NEK7: variants seen among roughly 807,000 people sequenced by gnomAD.
NEK7 encodes serine/threonine-protein kinase Nek7.
Under a neutral mutation model 44.6 loss-of-function variants are expected in NEK7, and 18 were observed. That is an observed-to-expected ratio of 0.40 (90% CI 0.28 to 0.60). The LOEUF (loss-of-function observed/expected upper bound fraction) is 0.60, where lower values mean the gene tolerates loss of function less well. Among genes scored for constraint, NEK7 ranks in the 20% least tolerant of loss-of-function variants. NEK7 has a pLI of 0.38. For synonymous variants in NEK7, 130 were observed against 121.1 expected (o/e 1.07, Z -0.48); for missense variants, 256 against 366.5 (o/e 0.70, Z 2.46).
At chr1:198,302,352 C>A (rs1336812287) in intron 9 of NEK7, among the ~76,000 whole-genome samples, 5 of 150,160 alleles carry the variant, frequency 3.3e-5, no homozygotes, top group Admixed American at 3.3e-4. Flanking sequence ...CTGTCCCTCT[C>A]CTTTTTTTTT....
chr1:198,253,314 T>C (rs1653139060), intron 3 of NEK7, 134 bp downstream of exon 3: 3 of 582,968 alleles, frequency 5.1e-6, no homozygotes, highest in Non-Finnish European at 8.6e-6. Context: ...ACGTTGTATT[T>C]TAAAAGCCAG....
rs60898731 is a variant in NEK7 at position 198,289,313 on chromosome 1, C to T, written c.590-3632C>T. 2.1e-3 allele frequency among the ~76,000 whole-genome samples: 322 copies of T among 152,090 alleles called. 1 individual carries two copies. The highest frequency in any genetic ancestry group is 7.5e-3 in the African/African-American group (311 of 41,490). On this transcript the variant is annotated intron_variant, in intron 7 of 9. Coordinates refer to ENST00000367385, the MANE Select transcript of NEK7 (RefSeq NM_133494.3). The stretch of plus-strand genomic sequence containing the variant: ...ACTCAGTTCGTTTGTTTGTACTCTC[C>T]GACTTAAAACACTCTCACTCAGCTG...
At chr1:198,284,400 C>G (rs1462417000) in intron 7 of NEK7, among the ~76,000 whole-genome samples, 4 of 152,140 alleles carry the variant, frequency 2.6e-5, no homozygotes, top group Non-Finnish European at 4.4e-5. Context: ...ATAGTTTGCT[C>G]TCTCTCCTAG....
intron 2 of NEK7, among the ~76,000 whole-genome samples, chr1:198,252,545 TATATATATATATATATATATATAAAA>T (rs1653069485): frequency 1.7e-5 from 1 of 58,194 alleles, no homozygotes; most frequent in Non-Finnish European, 2.7e-5. Context: ...TATATATATA[TATATATATATATATATATATATAAAA>T]AGTACATATA....
Position 198,262,601 on chromosome 1 carries a change from A to G in NEK7, c.225A>G (p.Ala75=). The G allele has an allele frequency of 1.3e-6, 2 of 1,598,344 alleles. No homozygotes were observed. Among genetic ancestry groups the G allele is most frequent in the Non-Finnish European group, 1.7e-6 (2 of 1,170,010 alleles). ...TATTTGATTTAATGGATGCCAAAGC[A>G]CGTGCTGATTGCATCAAAGAAATAG... ...VQIFDLMDAK[A]RADCIKEIDL... is the part of the protein sequence containing the mutation. Residue 75 remains alanine (A), a synonymous_variant, in exon 4 of 10, where the codon GCA becomes GCG. Coordinates refer to ENST00000367385, the MANE Select transcript of NEK7 (RefSeq NM_133494.3).
Position 198,317,877 on chromosome 1 carries a change from A to ATTTTTTTT in NEK7, c.799-1519_799-1512dup, listed in dbSNP as rs34704209. ...GCATTGTGTATTACTGGATATATTT[A>ATTTTTTTT]TTTTTTTTTTTTTTTTTTTTTTTGG... On this transcript the variant is annotated intron_variant, in intron 9 of 9. Coordinates refer to ENST00000367385, the MANE Select transcript of NEK7 (RefSeq NM_133494.3). Among the ~76,000 whole-genome samples, 115 of 70,106 alleles carry ATTTTTTTT rather than the reference A, an allele frequency of 1.6e-3. 2 individuals carry two copies. The highest frequency in any genetic ancestry group is 1.9e-3 in the Non-Finnish European group (78 of 40,744). The allele number at this position is 70,106 out of a possible 152,430, so 46.0% of individuals were successfully genotyped here.
chr1:198,225,746 G>C, intron 1 of NEK7, among the ~76,000 whole-genome samples: 1 of 152,068 alleles, frequency 6.6e-6, no homozygotes, highest in Admixed American at 6.6e-5. Context: ...GTTTTGATGT[G>C]TTCTTTCCTC....
chr1:198,157,379 G>T (rs1367467137), intron 1 of NEK7, 103 bp downstream of exon 1: 1 of 152,318 alleles, frequency 6.6e-6, no homozygotes, highest in Non-Finnish European at 1.5e-5. Flanking sequence ...GACCGCGCGG[G>T]GCGGCCTCCG....
chr1:198,254,526 G>A (rs552653496), intron 3 of NEK7, among the ~76,000 whole-genome samples: 5 of 152,230 alleles, frequency 3.3e-5, no homozygotes, highest in Middle Eastern at 6.8e-3. Context: ...TGGTGCATGT[G>A]CTGTAGTTTA....
chr1:198,162,276 G>A (rs1664134458), intron 1 of NEK7, among the ~76,000 whole-genome samples: 1 of 152,136 alleles, frequency 6.6e-6, no homozygotes, highest in Non-Finnish European at 1.5e-5. Context: ...TAGCCCTCGG[G>A]GAAGCCCAGG....
At chr1:198,224,434 A>G (rs1449273503) in intron 1 of NEK7, among the ~76,000 whole-genome samples, 1 of 152,102 alleles carries the variant, frequency 6.6e-6, no homozygotes, top group Admixed American at 6.6e-5. Flanking sequence ...GTGGAAGTAC[A>G]CTCCATGATG....
At chr1:198,222,830 G>A (rs1666108149) in intron 1 of NEK7, among the ~76,000 whole-genome samples, 1 of 146,340 alleles carries the variant, frequency 6.8e-6, no homozygotes, top group South Asian at 2.3e-4. Flanking sequence ...ATTACAAATT[G>A]TTATAATTGC....
chr1:198,255,567 T>C (rs1426970195), intron 3 of NEK7, among the ~76,000 whole-genome samples: 1 of 152,170 alleles, frequency 6.6e-6, no homozygotes, highest in South Asian at 2.1e-4. Context: ...TTTCTATTGA[T>C]TGGGAATTTG....
intron 7 of NEK7, among the ~76,000 whole-genome samples, chr1:198,285,355 T>C (rs965185255): frequency 1.3e-5 from 2 of 152,108 alleles, no homozygotes; most frequent in Admixed American, 6.6e-5. Flanking sequence ...TCAGTAAGTA[T>C]AGGTTAGATT....
rs931381641 is a variant in NEK7 at position 198,322,118 on chromosome 1, C to G, written c.*2596C>G. On this transcript the variant is annotated 3_prime_UTR_variant, in exon 10 of 10. Coordinates refer to ENST00000367385, the MANE Select transcript of NEK7 (RefSeq NM_133494.3). Reference sequence around the variant, plus strand: ...ATAGTATCTATTACAAAACACCTTTCTTGTATCCATATACTTCAGGTGTTG... The same window carrying G: ...ATAGTATCTATTACAAAACACCTTTGTTGTATCCATATACTTCAGGTGTTG... 6 of 152,118 alleles carry G rather than the reference C, an allele frequency of 3.9e-5. No homozygotes were observed. The highest frequency in any genetic ancestry group is 1.2e-4 in the African/African-American group (5 of 41,450). The allele number at this position is 152,118 out of a possible 1,614,324, so 9.4% of individuals were successfully genotyped here.
At chr1:198,209,072 C>T (rs10128036) in intron 1 of NEK7, among the ~76,000 whole-genome samples, 72 of 96,154 alleles carry the variant, frequency 7.5e-4, no homozygotes, top group African/African-American at 2.8e-3. Context: ...CACACACATA[C>T]GCACATATGT....
chr1:198,272,977 TTC>T (rs1334848356), intron 5 of NEK7, among the ~76,000 whole-genome samples: 2 of 151,932 alleles, frequency 1.3e-5, no homozygotes, highest in Non-Finnish European at 3.0e-5. Context: ...GAAAAATATT[TTC>T]TGTTTCACAT....
chr1:198,215,722 C>T (rs976767773), intron 1 of NEK7, among the ~76,000 whole-genome samples: 2 of 151,984 alleles, frequency 1.3e-5, no homozygotes, highest in African/African-American at 4.8e-5. Flanking sequence ...AAAGATATTT[C>T]ATGCAAATGG....
chr1:198,205,167 A>T (rs1379594597), intron 1 of NEK7, among the ~76,000 whole-genome samples: 2 of 152,176 alleles, frequency 1.3e-5, no homozygotes, highest in East Asian at 3.9e-4. Flanking sequence ...TGCTTCTTTC[A>T]TGTTCTTTGC....
Sources: allele counts gnomAD v4.1 joint callset (sites outside exome capture counted in the v4.1 genomes callset), GRCh38; gene constraint gnomAD v4.1.1; transcripts MANE v1.5; gene names NCBI Gene and HGNC (gene_info 2026-07-23, HGNC 2026-07-21).